The following RGS22 variants were observed in gnomAD, a reference collection of about 807,000 sequenced individuals.
RGS22 encodes regulator of G protein signaling 22.
Under a neutral mutation model 172.9 loss-of-function variants are expected in RGS22, and 148 were observed. That is an observed-to-expected ratio of 0.86 (90% CI 0.75 to 0.98). RGS22 has a LOEUF of 0.98. RGS22 is among the 50% of genes least tolerant of loss of function. The pLI is 0.00. For missense variants in RGS22, 1,347 were observed against 1,440.8 expected, an observed-to-expected ratio of 0.93 and a Z score of 1.05; for synonymous variants, 458 against 480.2, an observed-to-expected ratio of 0.95 and a Z score of 0.60.
intron 11 of RGS22, among the ~76,000 whole-genome samples, chr8:100,043,586 G>A (rs1418864645): frequency 6.6e-6 from 1 of 152,056 alleles, no homozygotes; most frequent in African/African-American, 2.4e-5. Flanking sequence ...GACCAGCCTG[G>A]TCCACATGGT....
chr8:100,082,965 GA>G (rs1480463545), intron 3 of RGS22, among the ~76,000 whole-genome samples: 1 of 152,084 alleles, frequency 6.6e-6, no homozygotes, highest in East Asian at 1.9e-4. Context: ...AAGGAACAAA[GA>G]AAAAAGACTT....
At chr8:100,016,359 T>C (rs780577815) in intron 14 of RGS22, among the ~76,000 whole-genome samples, 3 of 112,962 alleles carry the variant, frequency 2.7e-5, no homozygotes, top group Non-Finnish European at 5.5e-5. Flanking sequence ...TAGGTATTAA[T>C]TTGCCCTTCC....
chr8:99,976,639 G>T (rs554586936), intron 23 of RGS22, among the ~76,000 whole-genome samples: 1 of 152,308 alleles, frequency 6.6e-6, no homozygotes, highest in South Asian at 2.1e-4. Flanking sequence ...GGGATTACAG[G>T]CGTGAGCCAC....
chr8:100,089,754 A>G (rs1812430094), intron 3 of RGS22, among the ~76,000 whole-genome samples: 1 of 152,122 alleles, frequency 6.6e-6, no homozygotes, highest in Non-Finnish European at 1.5e-5. Flanking sequence ...AAACCACATT[A>G]GCTTTGTTTG....
In RGS22 at chr8:100,032,361, G is replaced by A. The variant is rs894064717; in HGVS notation, c.2166+6570C>T. ...TGGAAAACAAAAAAAAGGAGGGGTT[G>A]CAATCCTAGTCTCTGATAAAACAGA... On this transcript the variant is annotated intron_variant, in intron 14 of 27. Transcript: ENST00000360863. Among the ~76,000 whole-genome samples the A allele has an allele frequency of 2.8e-4, 43 of 152,248 alleles. 1 individual carries two copies. The highest frequency in any genetic ancestry group is 1.0e-3 in the African/African-American group (42 of 41,548).
intron 3 of RGS22, among the ~76,000 whole-genome samples, chr8:100,089,122 A>G (rs559112887): frequency 1.3e-5 from 2 of 151,954 alleles, no homozygotes; most frequent in Non-Finnish European, 2.9e-5. Context: ...TAAACAGAGA[A>G]GAAGGAAATT....
chr8:99,996,391 A>G, intron 20 of RGS22, 71 bp downstream of exon 20: 1 of 1,315,736 alleles, frequency 7.6e-7, no homozygotes, highest in Non-Finnish European at 1.1e-6. Context: ...TTTGAACAAG[A>G]AAGGGAAAGA....
At chr8:100,088,986 T>C (rs1812360185) in intron 3 of RGS22, among the ~76,000 whole-genome samples, 1 of 152,084 alleles carries the variant, frequency 6.6e-6, no homozygotes, top group Non-Finnish European at 1.5e-5. Context: ...TTTACTTGTT[T>C]ATATTAAGGA....
intron 14 of RGS22, among the ~76,000 whole-genome samples, chr8:100,020,236 T>G (rs1490166866): frequency 6.6e-6 from 1 of 152,138 alleles, no homozygotes; most frequent in Non-Finnish European, 1.5e-5. Context: ...CCTGATGGAC[T>G]GACAGGGTGG....
rs142346167 is a variant in RGS22, at chr8:100,010,754, G to T, written c.2167-2185C>A. Reference sequence around the variant, plus strand: ...AAATCCCTAGAAAAGACTCATTTATGTATTGGACTAGGGAAGGAAAGAATT... The same window carrying T: ...AAATCCCTAGAAAAGACTCATTTATTTATTGGACTAGGGAAGGAAAGAATT... On this transcript the variant is annotated intron_variant, in intron 14 of 27. Coordinates refer to ENST00000360863, the MANE Select transcript of RGS22 (RefSeq NM_015668.5). 6.1e-3 allele frequency among the ~76,000 whole-genome samples: 925 copies of T among 151,560 alleles called. 11 individuals carry two copies. Among genetic ancestry groups the T allele is most frequent in the African/African-American group, 0.021 (876 of 41,296 alleles).
At chr8:100,085,001 A>T (rs1812059519) in intron 3 of RGS22, among the ~76,000 whole-genome samples, 1 of 152,224 alleles carries the variant, frequency 6.6e-6, no homozygotes, top group Non-Finnish European at 1.5e-5. Flanking sequence ...TTTAAAAGGG[A>T]TTTGGCTAAA....
chr8:100,040,174 C>T, intron 12 of RGS22, 87 bp from the exon 13 acceptor site: 1 of 1,188,928 alleles, frequency 8.4e-7, no homozygotes, highest in Non-Finnish European at 1.2e-6. Flanking sequence ...ATAAACTCTA[C>T]CATGCTGTCA....
chr8:99,999,424 A>G lies in RGS22; in HGVS notation c.2791-4T>C, dbSNP rs1449156791. The G allele has an allele frequency of 6.2e-7, 1 of 1,610,332 alleles. No homozygotes were observed. Among genetic ancestry groups the G allele is most frequent in the African/African-American group, 1.3e-5 (1 of 74,676 alleles). On this transcript the variant is annotated splice_polypyrimidine_tract_variant and splice_region_variant and intron_variant, in intron 18 of 27. Coordinates refer to ENST00000360863, the MANE Select transcript of RGS22 (RefSeq NM_015668.5). The stretch of plus-strand genomic sequence containing the variant: ...AGCCACCACTTAAATGCATTACCTA[A>G]GAAAATTAAGATGGAAACAGAAACT...
chr8:100,048,800 G>C (rs1400312893), intron 10 of RGS22, among the ~76,000 whole-genome samples: 1 of 152,030 alleles, frequency 6.6e-6, no homozygotes, highest in Non-Finnish European at 1.5e-5. Flanking sequence ...TATAGAAACA[G>C]AAAGTAGGGT....
chr8:100,090,618 G>A (rs3116088), intron 3 of RGS22, among the ~76,000 whole-genome samples: 24,463 of 151,994 alleles, frequency 0.16, 2,614 homozygotes, highest in African/African-American at 0.3. Flanking sequence ...ACTATAAGTG[G>A]AGCATGTGTT....
chr8:99,981,774 C>A (rs1280352825), intron 22 of RGS22, among the ~76,000 whole-genome samples, 163 bp downstream of exon 22: 45 of 142,668 alleles, frequency 3.2e-4, no homozygotes, highest in Non-Finnish European at 7.5e-5. Context: ...GTTGCCCAGG[C>A]TGGTCTCAAA....
At chr8:100,004,484 C>T (rs1299952923) in intron 16 of RGS22, 2 of 152,248 alleles carry the variant, frequency 1.3e-5, no homozygotes, top group Non-Finnish European at 2.9e-5. Flanking sequence ...TTTAATATAT[C>T]CTTCCAGTCT....
intron 7 of RGS22, among the ~76,000 whole-genome samples, chr8:100,065,079 G>T (rs1810443867): frequency 6.6e-6 from 1 of 152,184 alleles, no homozygotes; most frequent in African/African-American, 2.4e-5. Context: ...CCACAGATCA[G>T]TTAACTGTTG....
intron 23 of RGS22, among the ~76,000 whole-genome samples, chr8:99,973,241 A>T (rs892687754): frequency 1.3e-5 from 2 of 152,152 alleles, no homozygotes; most frequent in African/African-American, 4.8e-5. Flanking sequence ...ACTATTCACA[A>T]TAGCAAAGAC....
Sources: gnomAD v4.1 joint callset for allele counts (sites outside exome capture counted in the v4.1 genomes callset) on GRCh38, gnomAD v4.1.1 for gene constraint, MANE v1.5 for transcripts, NCBI Gene and HGNC (gene_info 2026-07-23, HGNC 2026-07-21) for gene names.